The following CPEB1 variants were observed in gnomAD, a reference collection of about 807,000 sequenced individuals.
CPEB1 encodes the protein cytoplasmic polyadenylation element-binding protein 1.
Under a neutral mutation model 65.8 loss-of-function variants are expected in CPEB1, and 7 were observed. That is an observed-to-expected ratio of 0.11 (90% CI 0.06 to 0.20). The LOEUF is 0.20. CPEB1 is among the 10% of genes least tolerant of loss of function. The probability of loss-of-function intolerance (pLI) is 1.00; values close to 1 mark genes in which losing one functional copy is unlikely to be tolerated. For synonymous variants in CPEB1, 262 were observed against 260.0 expected (o/e 1.01, Z -0.08); for missense variants, 551 against 712.2 (o/e 0.77, Z 2.58).
intron 3 of CPEB1, chr15:82,571,819 C>T (rs921981427): frequency 1.2e-4 from 149 of 1,221,998 alleles, no homozygotes; most frequent in African/African-American, 2.9e-4. Context: ...TGACATCAGC[C>T]GGCTGAGCCG....
At chr15:82,568,708 A>T (rs1325611205) in intron 4 of CPEB1, among the ~76,000 whole-genome samples, 1 of 152,196 alleles carries the variant, frequency 6.6e-6, no homozygotes, top group Non-Finnish European at 1.5e-5. Flanking sequence ...TAGGGGAAAA[A>T]ATGAAAGCCC....
chr15:82,596,874 A>G (rs1256933422), intron 3 of CPEB1, among the ~76,000 whole-genome samples: 1 of 152,158 alleles, frequency 6.6e-6, no homozygotes, highest in Non-Finnish European at 1.5e-5. Flanking sequence ...AACAAGCAAA[A>G]ATACTCATGA....
intron 1 of CPEB1, among the ~76,000 whole-genome samples, chr15:82,645,799 C>T (rs1385114699): frequency 6.6e-6 from 1 of 151,942 alleles, no homozygotes; most frequent in Non-Finnish European, 1.5e-5. Context: ...ACCCGGGAGG[C>T]GGAGGCTGCA....
intron 3 of CPEB1, chr15:82,573,009 C>A: frequency 1.3e-6 from 2 of 1,527,382 alleles, no homozygotes; most frequent in Admixed American, 2.0e-5. Context: ...GCAGGCTGCT[C>A]AAACCTGGAC....
intron 3 of CPEB1, among the ~76,000 whole-genome samples, chr15:82,614,724 AT>A (rs1230432590): frequency 6.6e-6 from 1 of 152,084 alleles, no homozygotes; most frequent in African/African-American, 2.4e-5. Flanking sequence ...ATTTCAAAAG[AT>A]CTTTAAAAAA....
chr15:82,622,356 T>C (rs2045374084), intron 3 of CPEB1, among the ~76,000 whole-genome samples: 1 of 152,056 alleles, frequency 6.6e-6, no homozygotes, highest in African/African-American at 2.4e-5. Context: ...AAGTCATAAC[T>C]TTCTTGTATA....
chr15:82,611,041 C>A (rs561209958), intron 3 of CPEB1, among the ~76,000 whole-genome samples: 1 of 146,890 alleles, frequency 6.8e-6, no homozygotes, highest in African/African-American at 2.5e-5. Flanking sequence ...ACAAAAACAC[C>A]CACATCTAAC....
At chr15:82,546,625 T>C in intron 11 of CPEB1, 104 bp from the exon 12 acceptor site, 1 of 826,498 alleles carries the variant, frequency 1.2e-6, no homozygotes, top group Non-Finnish European at 2.1e-6. Context: ...GAATGCGGGA[T>C]ATTGGAATGC....
chr15:82,545,885 A>G (rs895173336), intron 12 of CPEB1, among the ~76,000 whole-genome samples: 4 of 152,050 alleles, frequency 2.6e-5, no homozygotes, highest in African/African-American at 7.3e-5. Flanking sequence ...CATCTACAAA[A>G]CCACCTCTCA....
rs201068240 is a variant in CPEB1 at position 82,571,485 on chromosome 15, T to G, written c.319A>C (p.Thr107Pro). 6.2e-7 allele frequency: 1 copy of G among 1,614,002 alleles called. No homozygotes were observed. Among genetic ancestry groups the G allele is most frequent in the Non-Finnish European group, 8.5e-7 (1 of 1,180,020 alleles). The change falls in exon 4 of 13, where the codon ACC becomes CCC. Residue 107 changes from threonine to proline, a missense_variant. Thr to Pro is a conservative substitution (Grantham distance 38). Around this residue, in one of 6 missense-constraint regions of CPEB1, gnomAD observed 223 missense variants for 228.6 expected, o/e 0.98. Transcript: ENST00000684509. Reference protein sequence around the residue: ...ETVTSRMLFPTSAQESSRGLP... With the variant: ...ETVTSRMLFPPSAQESSRGLP... Reference sequence around the variant, plus strand: ...CCACGGGAAGATTCTTGCGCAGAGGTTGGGAAAAGCATCCTGCTTGTAACT... The same window carrying G: ...CCACGGGAAGATTCTTGCGCAGAGGGTGGGAAAAGCATCCTGCTTGTAACT...
At chr15:82,623,002 C>T (rs564357648) in intron 3 of CPEB1, among the ~76,000 whole-genome samples, 14 of 152,246 alleles carry the variant, frequency 9.2e-5, no homozygotes, top group Non-Finnish European at 1.2e-4. Flanking sequence ...TAAGCCCTGG[C>T]GGGAGGTATC....
chr15:82,579,731 T>C (rs2151092059), intron 3 of CPEB1, among the ~76,000 whole-genome samples: 1 of 148,002 alleles, frequency 6.8e-6, no homozygotes, highest in African/African-American at 2.5e-5. Flanking sequence ...GCTAACAAGG[T>C]GAAACCCCGT....
chr15:82,585,461 A>G (rs1051112480), intron 3 of CPEB1, among the ~76,000 whole-genome samples: 1 of 152,214 alleles, frequency 6.6e-6, no homozygotes, highest in Non-Finnish European at 1.5e-5. Context: ...CAAGGGAGAA[A>G]AAGAGCAGAA....
At position 82,570,138 on chromosome 15, in the gene CPEB1, C is replaced by T. The variant is rs908982559; in HGVS notation, c.460+1206G>A. On this transcript the variant is annotated intron_variant, in intron 4 of 12. Coordinates refer to ENST00000684509, the MANE Select transcript of CPEB1 (RefSeq NM_001365242.1). Reference sequence around the variant, plus strand: ...TCCACATAAAACAATTTCAATACCCCTCTCCTAAATGGGGTTTTACCAAAA... The same window carrying T: ...TCCACATAAAACAATTTCAATACCCTTCTCCTAAATGGGGTTTTACCAAAA... Among the ~76,000 whole-genome samples the T allele has an allele frequency of 8.5e-5, 13 of 152,144 alleles. 1 individual carries two copies. Among genetic ancestry groups the T allele is most frequent in the Admixed American group, 8.5e-4 (13 of 15,274 alleles).
intron 3 of CPEB1, among the ~76,000 whole-genome samples, chr15:82,583,050 A>C (rs1257471243): frequency 6.6e-6 from 1 of 151,840 alleles, no homozygotes; most frequent in Non-Finnish European, 1.5e-5. Flanking sequence ...CACCCTCCCC[A>C]CTACTCTCTC....
At chr15:82,638,737 A>G (rs1301089432) in intron 1 of CPEB1, 2 of 152,344 alleles carry the variant, frequency 1.3e-5, no homozygotes, top group Non-Finnish European at 2.9e-5. Context: ...ATGAAGCAAA[A>G]GTACTTTATA....
At chr15:82,619,884 G>A (rs923078346) in intron 3 of CPEB1, among the ~76,000 whole-genome samples, 3 of 151,882 alleles carry the variant, frequency 2.0e-5, no homozygotes, top group Non-Finnish European at 2.9e-5. Context: ...ATAAACATAC[G>A]TATACCCTAT....
intron 1 of CPEB1, among the ~76,000 whole-genome samples, chr15:82,635,595 CTAATATTATTTCGTA>C (rs1351465662): frequency 6.6e-6 from 1 of 152,038 alleles, no homozygotes; most frequent in African/African-American, 2.4e-5. Context: ...ATAGTTCAAC[CTAATATTATTTCGTA>C]AATGCTGACA....
chr15:82,635,354 T>C (rs1470182024), intron 1 of CPEB1, among the ~76,000 whole-genome samples: 1 of 152,224 alleles, frequency 6.6e-6, no homozygotes, highest in Non-Finnish European at 1.5e-5. Flanking sequence ...ATGTAAGTCT[T>C]CTAGCCAAAT....
Sources: gnomAD v4.1 joint callset for allele counts (sites outside exome capture counted in the v4.1 genomes callset) on GRCh38, gnomAD v4.1.1 for gene constraint, gnomAD v4.1.1 regional missense constraint, MANE v1.5 for transcripts, NCBI Gene and HGNC (gene_info 2026-07-23, HGNC 2026-07-21) for gene names.